Variants in RABGAP1L observed in about 807,000 individuals in gnomAD.
The protein encoded by RABGAP1L is rab GTPase-activating protein 1-like.
In RABGAP1L, 63 loss-of-function variants were observed where a neutral mutation model predicts 137.7. The observed-to-expected ratio is 0.46, with a 90% CI of 0.37 to 0.56. The LOEUF is 0.56. Ranked by LOEUF, RABGAP1L falls within the 20% of genes least tolerant of loss-of-function variation. The pLI is 0.00. For missense variants in RABGAP1L, 1,095 were observed against 1,244.0 expected (o/e 0.88, Z 1.80); for synonymous variants, 431 against 433.7 (o/e 0.99, Z 0.08).
intron 17 of RABGAP1L, among the ~76,000 whole-genome samples, chr1:174,736,126 T>G (rs1487936087): frequency 6.6e-6 from 1 of 152,114 alleles, no homozygotes; most frequent in Non-Finnish European, 1.5e-5. Context: ...AACTCAAAAG[T>G]CCCAAGTCCA....
intron 14 of RABGAP1L, among the ~76,000 whole-genome samples, chr1:174,668,006 A>AG (rs1676912435): frequency 6.6e-6 from 1 of 152,204 alleles, no homozygotes; most frequent in African/African-American, 2.4e-5. Context: ...CCAGAGCAGG[A>AG]GGAGGGACTG....
intron 13 of RABGAP1L, among the ~76,000 whole-genome samples, chr1:174,490,454 C>T (rs1464589370): frequency 6.6e-6 from 1 of 152,150 alleles, no homozygotes; most frequent in Non-Finnish European, 1.5e-5. Flanking sequence ...CTATGTTGAG[C>T]TGCCTGGAGC....
chr1:174,288,072 T>G (rs893250463), intron 10 of RABGAP1L, among the ~76,000 whole-genome samples: 1 of 152,162 alleles, frequency 6.6e-6, no homozygotes, highest in African/African-American at 2.4e-5. Context: ...CAGTAACAAC[T>G]CAACTGTGTT....
At chr1:174,305,174 T>A in intron 11 of RABGAP1L, 47 bp downstream of exon 11, 1 of 1,461,462 alleles carries the variant, frequency 6.8e-7, no homozygotes, top group Non-Finnish European at 9.0e-7. Context: ...ATAGCTGCTT[T>A]ACTTACAATC....
intron 13 of RABGAP1L, among the ~76,000 whole-genome samples, chr1:174,506,684 A>G (rs1044137227): frequency 1.3e-5 from 2 of 152,226 alleles, no homozygotes; most frequent in African/African-American, 4.8e-5. Context: ...GTGTATGCAT[A>G]TATCAAAACA....
rs544071124 is a variant in RABGAP1L, at chr1:174,773,262, A to T, written c.2211+20908A>T. Among the ~76,000 whole-genome samples the T allele has an allele frequency of 7.9e-5, 12 of 152,218 alleles. 1 individual carries two copies. The South Asian group carries it at 2.5e-3, about 32-fold the overall frequency. On this transcript the variant is annotated intron_variant, in intron 18 of 25. Transcript: ENST00000681986. ...ACTCAAATCCCAGGCATGGCGACATATGCCTGTAATCCTAGCTACTTGGAA... is the reference window on the plus strand; with the variant it reads ...ACTCAAATCCCAGGCATGGCGACATTTGCCTGTAATCCTAGCTACTTGGAA...
chr1:174,400,767 T>C (rs1296732755), intron 13 of RABGAP1L, among the ~76,000 whole-genome samples: 1 of 152,040 alleles, frequency 6.6e-6, no homozygotes, highest in Non-Finnish European at 1.5e-5. Flanking sequence ...GCAATGGTAG[T>C]GGGTCATGTA....
intron 5 of RABGAP1L, chr1:174,244,316 GA>G (rs1181575139): frequency 2.6e-5 from 4 of 152,228 alleles, no homozygotes; most frequent in African/African-American, 9.7e-5. Context: ...GATGAGAGCT[GA>G]AGAGGTTTGT....
At chr1:174,803,514 T>C (rs1688954133) in intron 18 of RABGAP1L, among the ~76,000 whole-genome samples, 1 of 152,170 alleles carries the variant, frequency 6.6e-6, no homozygotes, top group Non-Finnish European at 1.5e-5. Flanking sequence ...TCCAGAAATT[T>C]TTAGCTGAAT....
chr1:174,273,236 AC>A (rs1341353558), intron 8 of RABGAP1L, among the ~76,000 whole-genome samples: 1 of 152,070 alleles, frequency 6.6e-6, no homozygotes, highest in Admixed American at 6.5e-5. Flanking sequence ...AATTAGGTCA[AC>A]TTTTTTTTGA....
intron 20 of RABGAP1L, among the ~76,000 whole-genome samples, chr1:174,968,324 T>G (rs1669825700): frequency 6.6e-6 from 1 of 152,234 alleles, no homozygotes; most frequent in Non-Finnish European, 1.5e-5. Flanking sequence ...ATGACATTAG[T>G]CTTTCCTGTC....
At chr1:174,962,520 G>A (rs1669248569) in intron 20 of RABGAP1L, among the ~76,000 whole-genome samples, 1 of 151,990 alleles carries the variant, frequency 6.6e-6, no homozygotes, top group Non-Finnish European at 1.5e-5. Flanking sequence ...ACTGGTTTTT[G>A]TAGAGCAATT....
chr1:174,417,099 T>C (rs190479250), intron 13 of RABGAP1L, among the ~76,000 whole-genome samples: 1 of 152,268 alleles, frequency 6.6e-6, no homozygotes, highest in Admixed American at 6.5e-5. Context: ...AAAACCGCAA[T>C]TACTTTTGCA....
chr1:174,675,800 C>G (rs1026744504), intron 14 of RABGAP1L, among the ~76,000 whole-genome samples: 1 of 152,152 alleles, frequency 6.6e-6, no homozygotes, highest in African/African-American at 2.4e-5. Context: ...GCCCCTGTAG[C>G]TCTCATGCTT....
At chr1:174,576,128 A>G (rs1668356468) in intron 13 of RABGAP1L, among the ~76,000 whole-genome samples, 1 of 152,220 alleles carries the variant, frequency 6.6e-6, no homozygotes, top group Admixed American at 6.5e-5. Context: ...CAGCAGTAAC[A>G]GTTGCAGCAA....
chr1:174,168,717 A>G (rs1312198479), intron 1 of RABGAP1L, among the ~76,000 whole-genome samples: 1 of 152,224 alleles, frequency 6.6e-6, no homozygotes, highest in Non-Finnish European at 1.5e-5. Flanking sequence ...GTTAATGGGG[A>G]AATGAAATTA....
At chr1:174,429,356 C>T (rs1318167094) in intron 13 of RABGAP1L, among the ~76,000 whole-genome samples, 1 of 152,024 alleles carries the variant, frequency 6.6e-6, no homozygotes, top group African/African-American at 2.4e-5. Context: ...CTTTCCCTAA[C>T]CAACAAGCCC....
At chr1:174,337,791 G>A (rs1348662439) in intron 11 of RABGAP1L, among the ~76,000 whole-genome samples, 4 of 152,066 alleles carry the variant, frequency 2.6e-5, no homozygotes, top group African/African-American at 7.2e-5. Context: ...GCTTGCCCTG[G>A]AAGAGGCTAT....
intron 1 of RABGAP1L, among the ~76,000 whole-genome samples, chr1:174,218,378 T>C (rs187835469): frequency 2.6e-5 from 4 of 152,298 alleles, no homozygotes; most frequent in East Asian, 1.9e-4. Context: ...GTGTCTGTTA[T>C]ATAGTGTATG....
Sources: gnomAD v4.1 joint callset for allele counts (sites outside exome capture counted in the v4.1 genomes callset) on GRCh38, gnomAD v4.1.1 for gene constraint, MANE v1.5 for transcripts, NCBI Gene and HGNC (gene_info 2026-07-23, HGNC 2026-07-21) for gene names.